CHODL: variants seen among roughly 807,000 people sequenced by gnomAD.
CHODL encodes chondrolectin, also known as transmembrane protein MT75.
CHODL carries 29 observed loss-of-function variants against 34.5 expected under a neutral mutation model. The observed-to-expected ratio is 0.84, with a 90% CI of 0.63 to 1.15. The LOEUF is 1.15. Among genes scored for constraint, CHODL ranks in the 50% most tolerant of loss-of-function variants. The probability of loss-of-function intolerance (pLI) is 0.00; values close to 1 mark genes in which losing one functional copy is unlikely to be tolerated. For synonymous variants in CHODL, 125 were observed against 116.1 expected (o/e 1.08, Z -0.49); for missense variants, 332 against 332.5 (o/e 1.00, Z 0.01).
intron 2 of CHODL, among the ~76,000 whole-genome samples, chr21:18,151,282 C>G (rs2072965144): frequency 6.6e-6 from 1 of 152,050 alleles, no homozygotes; most frequent in African/African-American, 2.4e-5. Flanking sequence ...CTCTTTTTAT[C>G]CAGTCACGTT....
At chr21:18,156,279 G>A (rs1341124903) in intron 2 of CHODL, among the ~76,000 whole-genome samples, 2 of 152,122 alleles carry the variant, frequency 1.3e-5, no homozygotes, top group South Asian at 4.1e-4. Context: ...ACAGATTCAG[G>A]ATTTAAAAGT....
chr21:18,234,284 G>A (rs1601180613), intron 2 of CHODL, among the ~76,000 whole-genome samples: 1 of 152,226 alleles, frequency 6.6e-6, no homozygotes, highest in South Asian at 2.1e-4. Context: ...GCTGAGGTAG[G>A]CCCTCTCTTG....
chr21:18,206,480 G>A (rs1022244081), intron 2 of CHODL, among the ~76,000 whole-genome samples: 2 of 151,834 alleles, frequency 1.3e-5, no homozygotes, highest in African/African-American at 4.8e-5. Context: ...GTTTCCACTT[G>A]TGTGAAATAC....
chr21:18,247,820 C>CA (rs1197520826), intron 1 of CHODL, among the ~76,000 whole-genome samples: 1 of 151,974 alleles, frequency 6.6e-6, no homozygotes, highest in Non-Finnish European at 1.5e-5. Context: ...ATGGGAGCTG[C>CA]AATCATTTAA....
intron 2 of CHODL, among the ~76,000 whole-genome samples, chr21:18,167,889 A>C (rs879327556): frequency 6.6e-6 from 1 of 152,054 alleles, no homozygotes; most frequent in Admixed American, 6.6e-5. Context: ...AAAGATTAAT[A>C]TTTGAGTCAG....
intron 1 of CHODL, among the ~76,000 whole-genome samples, chr21:18,249,070 A>G (rs866195699): frequency 1.1e-4 from 13 of 121,958 alleles, no homozygotes; most frequent in Middle Eastern, 8.1e-3. Flanking sequence ...AATTTACTAT[A>G]TATAATATAT....
At chr21:17,942,215 A>G (rs1009035629) in intron 1 of CHODL, among the ~76,000 whole-genome samples, 6 of 152,214 alleles carry the variant, frequency 3.9e-5, no homozygotes, top group African/African-American at 1.4e-4. Context: ...TGATGTTTAA[A>G]CATAGTATAA....
At chr21:18,242,354 C>A (rs530856460), upstream of CHODL, among the ~76,000 whole-genome samples, 6 of 152,082 alleles carry the variant, frequency 3.9e-5, no homozygotes, top group Admixed American at 3.9e-4. Context: ...CTCCCAATAA[C>A]CTTGTAACAT....
rs1243318324 is a variant in CHODL at position 18,174,141 on chromosome 21, A to ATCTTGG, written c.-44-82367_-44-82366insCTTGGT. On this transcript the variant is annotated intron_variant, in intron 2 of 6. Coordinates refer to the CHODL transcript ENST00000400127. ...TCTTGGTGTATATATATATATATAT[A>ATCTTGG]TATATATATATATATATATAAAATC... is the stretch of plus-strand genomic sequence containing the variant. Among the ~76,000 whole-genome samples the ATCTTGG allele has an allele frequency of 2.9e-4, 34 of 117,350 alleles. 3 individuals carry two copies. In the East Asian group the frequency reaches 4.4e-3, roughly 15 times the overall value. The allele number at this position is 117,350 out of a possible 152,430, so 77.0% of individuals were successfully genotyped here. A position where few individuals can be genotyped will look rare whatever the true frequency, so the allele number is the denominator to read the frequency against.
chr21:18,131,061 T>C (rs1326129860), intron 2 of CHODL, among the ~76,000 whole-genome samples: 1 of 152,000 alleles, frequency 6.6e-6, no homozygotes, highest in Non-Finnish European at 1.5e-5. Context: ...TTTTCTTGGC[T>C]TGCAAATGGC....
intron 2 of CHODL, among the ~76,000 whole-genome samples, chr21:18,127,156 T>C (rs1467273639): frequency 6.6e-6 from 1 of 151,744 alleles, no homozygotes; most frequent in Admixed American, 6.6e-5. Context: ...AAAGAGAGAA[T>C]GAGGAATAAT....
intron 1 of CHODL, among the ~76,000 whole-genome samples, chr21:17,926,070 C>T (rs1268877847): frequency 2.0e-5 from 3 of 152,106 alleles, no homozygotes; most frequent in Non-Finnish European, 4.4e-5. Context: ...TGTAATGATT[C>T]TTGTCTTTCC....
intron 2 of CHODL, among the ~76,000 whole-genome samples, chr21:18,195,463 C>T (rs185062578): frequency 6.6e-6 from 1 of 152,280 alleles, no homozygotes; most frequent in African/African-American, 2.4e-5. Context: ...TCCTCATTTC[C>T]TCACCATCAC....
chr21:18,087,324 C>G (rs1008805664), intron 2 of CHODL, among the ~76,000 whole-genome samples: 4 of 151,836 alleles, frequency 2.6e-5, no homozygotes, highest in African/African-American at 9.7e-5. Flanking sequence ...TTTCCTTGCC[C>G]CTCTTTGGCT....
At chr21:18,223,501 G>A (rs550804748) in intron 2 of CHODL, among the ~76,000 whole-genome samples, 66 of 152,204 alleles carry the variant, frequency 4.3e-4, no homozygotes, top group Non-Finnish European at 8.4e-4. Context: ...AATAAGTAAG[G>A]GTAACAGGAA....
chr21:17,924,016 G>A (rs1036662521), intron 1 of CHODL, among the ~76,000 whole-genome samples: 13 of 152,176 alleles, frequency 8.5e-5, no homozygotes, highest in Admixed American at 3.9e-4. Context: ...GAAGGATGTT[G>A]AGGAACGTGA....
intron 2 of CHODL, among the ~76,000 whole-genome samples, chr21:18,203,755 A>G (rs2073682076): frequency 6.6e-6 from 1 of 152,196 alleles, no homozygotes; most frequent in South Asian, 2.1e-4. Context: ...TCTGATCAAC[A>G]TAAGATATTC....
chr21:18,143,046 A>G (rs1177226822), intron 2 of CHODL, among the ~76,000 whole-genome samples: 1 of 152,190 alleles, frequency 6.6e-6, no homozygotes, highest in African/African-American at 2.4e-5. Flanking sequence ...TTTATAGACC[A>G]GTTAATTTAC....
intron 2 of CHODL, among the ~76,000 whole-genome samples, chr21:18,233,109 A>G (rs2146758527): frequency 6.6e-6 from 1 of 151,934 alleles, no homozygotes; most frequent in South Asian, 2.1e-4. Flanking sequence ...GTACCCTTTG[A>G]CCAACATCTT....
Sources: allele counts gnomAD v4.1 joint callset (sites outside exome capture counted in the v4.1 genomes callset), GRCh38; gene constraint gnomAD v4.1.1; transcripts MANE v1.5; gene names NCBI Gene and HGNC (gene_info 2026-07-23, HGNC 2026-07-21).